The following CLSPN variants were observed in gnomAD, a reference collection of about 807,000 sequenced individuals.
The protein encoded by CLSPN is claspin homolog.
CLSPN carries 85 observed loss-of-function variants against 156.3 expected under a neutral mutation model. The observed-to-expected ratio is 0.54, with a 90% CI of 0.46 to 0.65. The LOEUF is 0.65. Among genes scored for constraint, CLSPN ranks in the 30% least tolerant of loss-of-function variants. The probability of loss-of-function intolerance (pLI) is 0.00; values close to 1 mark genes in which losing one functional copy is unlikely to be tolerated. For missense variants in CLSPN, 1,407 were observed against 1,554.9 expected (o/e 0.90, Z 1.60); for synonymous variants, 534 against 542.4 (o/e 0.98, Z 0.22).
chr1:35,748,679 G>A, intron 12 of CLSPN, 75 bp from the exon 13 acceptor site: 3 of 1,246,684 alleles, frequency 2.4e-6, no homozygotes, highest in Admixed American at 1.8e-5. Flanking sequence ...AAGAGTTGAG[G>A]ATGAAACTGT....
At chr1:35,765,055 T>C (rs1642623483) in intron 2 of CLSPN, among the ~76,000 whole-genome samples, 163 bp downstream of exon 2, 1 of 152,156 alleles carries the variant, frequency 6.6e-6, no homozygotes, top group Admixed American at 6.5e-5. Context: ...TAACATAGTT[T>C]CAAAAAGGTA....
intron 12 of CLSPN, 76 bp from the exon 13 acceptor site, chr1:35,748,680 A>G: frequency 8.0e-7 from 1 of 1,244,874 alleles, no homozygotes; most frequent in Non-Finnish European, 1.2e-6. Context: ...AGAGTTGAGG[A>G]TGAAACTGTC....
At chr1:35,720,841 T>G (rs975192056) in exon 25 of CLSPN, 2 of 1,317,906 alleles carry the variant, frequency 1.5e-6, no homozygotes, top group South Asian at 2.4e-5. Context: ...TTGTTTGTTC[T>G]GCCCAGAATA....
chr1:35,720,414 C>T (rs1179996456), exon 25 of CLSPN: 1 of 149,402 alleles, frequency 6.7e-6, no homozygotes, highest in Non-Finnish European at 1.5e-5. Context: ...TTCCCCTGGC[C>T]TTCAGCCTGG....
At chr1:35,728,929 C>T (rs1196654900), downstream of CLSPN, among the ~76,000 whole-genome samples, 1 of 32,122 alleles carries the variant, frequency 3.1e-5, no homozygotes, top group Non-Finnish European at 7.9e-5. Flanking sequence ...CAAACACACA[C>T]ACACACACAC....
chr1:35,720,851 A>G, exon 25 of CLSPN: 1 of 1,407,640 alleles, frequency 7.1e-7, no homozygotes, highest in Non-Finnish European at 1.0e-6. Context: ...TGCCCAGAAT[A>G]GCCCTTCTCC....
chr1:35,744,724 T>TG (rs1227306293), intron 16 of CLSPN, among the ~76,000 whole-genome samples: 1 of 152,216 alleles, frequency 6.6e-6, no homozygotes, highest in Non-Finnish European at 1.5e-5. Flanking sequence ...GCTTTGAACA[T>TG]GGGGGTGCAA....
chr1:35,730,733 C>T (rs1387636565), downstream of CLSPN, among the ~76,000 whole-genome samples: 2 of 152,048 alleles, frequency 1.3e-5, no homozygotes, highest in Admixed American at 6.6e-5. Context: ...TGTGGTGGTG[C>T]GTGCCTGTAA....
In CLSPN at chr1:35,735,142, T is replaced by C. The variant is rs1641421816; in HGVS notation, c.*1354A>G. On this transcript the variant is annotated 3_prime_UTR_variant, in exon 25 of 25. Coordinates refer to ENST00000318121, the MANE Select transcript of CLSPN (RefSeq NM_022111.4). ...CAGAAGGGAGATCTTTGAACAACAG[T>C]GCTTCAAATTGAGAATTCAGTCCCA... The C allele has an allele frequency of 1.0e-6, 1 of 985,288 alleles. No homozygotes were observed. Among genetic ancestry groups the C allele is most frequent in the Admixed American group, 6.1e-5 (1 of 16,266 alleles). The allele number at this position is 985,288 out of a possible 1,614,324, so 61.0% of individuals were successfully genotyped here.
At chr1:35,753,522 G>T (rs1449944697) in intron 9 of CLSPN, among the ~76,000 whole-genome samples, 1 of 147,888 alleles carries the variant, frequency 6.8e-6, no homozygotes, top group East Asian at 1.9e-4. Context: ...CTATAATGGG[G>T]TTTTTTATAA....
At chr1:35,723,161 C>A (rs1641112782) in intron 24 of CLSPN, among the ~76,000 whole-genome samples, 1 of 152,150 alleles carries the variant, frequency 6.6e-6, no homozygotes, top group African/African-American at 2.4e-5. Flanking sequence ...AGTGAGGACA[C>A]CAGAGAATAA....
At position 35,749,697 on chromosome 1, in the gene CLSPN, C is replaced by G. The variant is rs768615281; in HGVS notation, c.2143G>C (p.Val715Leu). 9 of 1,614,150 alleles carry G rather than the reference C, an allele frequency of 5.6e-6. No individual in the cohort carries two copies. Among genetic ancestry groups the G allele is most frequent in the Non-Finnish European group, 7.6e-6 (9 of 1,180,012 alleles). The change falls in exon 11 of 25, where the codon GTT becomes CTT. Residue 715 changes from valine (V) to leucine (L), a missense_variant. Transcript: ENST00000318121. Reference sequence around the variant, plus strand: ...GAATCTGATGAGAGAGACTTGGGAACAGAGAGGAAGCCAACTGCCTTGCCA... The same window carrying G: ...GAATCTGATGAGAGAGACTTGGGAAGAGAGAGGAAGCCAACTGCCTTGCCA... ...EIGKAVGFLS[V>L]PKSLSSDSTL... is the part of the protein sequence containing the mutation.
rs146574648 is a variant in CLSPN, at chr1:35,743,185, A to C, written c.3099T>G (p.Asp1033Glu). 6.2e-7 allele frequency: 1 copy of C among 1,614,096 alleles called. No individual in the cohort carries two copies. Among genetic ancestry groups the C allele is most frequent in the African/African-American group, 1.3e-5 (1 of 75,028 alleles). ...CAGATCGCTTCAGGAGTTCTTCTTC[A>C]TCATCATCTTCATGGTCTTCCAGTG... ...DLALEDHEDD[D>E]EEELLKRSEK... The change falls in exon 18 of 25, where the codon GAT (aspartate) becomes GAG (glutamate). Residue 1033 changes from aspartate (D) to glutamate (E), a missense_variant. Asp to Glu is a conservative substitution (Grantham distance 45). This residue lies in a region of CLSPN where 1,096 missense variants were observed against 1,193.0 expected (regional missense o/e 0.92). Transcript: ENST00000318121.
At chr1:35,748,820 C>CTTTT (rs201350754) in intron 12 of CLSPN, 525 of 293,186 alleles carry the variant, frequency 1.8e-3, no homozygotes, top group South Asian at 2.9e-3. Context: ...CTTGAAAGTT[C>CTTTT]TTTTTTTTTT....
chr1:35,751,221 G>A (rs1642072033), intron 10 of CLSPN, 29 bp downstream of exon 10: 26 of 1,590,058 alleles, frequency 1.6e-5, no homozygotes, highest in Middle Eastern at 2.0e-4. Context: ...ACCATGACAA[G>A]GTAACAAAAC....
Position 35,734,138 on chromosome 1 carries a change from TCA to T in CLSPN, c.*2356_*2357del, listed in dbSNP as rs1020743372. On this transcript the variant is annotated 3_prime_UTR_variant, in exon 25 of 25. Transcript: ENST00000318121. ...GTGAGGGGACAATTGCAGCAGCTTC[TCA>T]GTTTAGACCCAGAGGGTTTCCCTGG... 1.6e-5 allele frequency: 16 copies of T among 985,380 alleles called. No individual in the cohort carries two copies. In the African/African-American group the frequency reaches 2.4e-4, roughly 15 times the overall value. 61.0% of individuals were successfully genotyped at this position (985,380 alleles called of 1,614,324 possible). A position where few individuals can be genotyped will look rare whatever the true frequency, so the allele number is the denominator to read the frequency against.
intron 8 of CLSPN, among the ~76,000 whole-genome samples, chr1:35,758,174 T>TTG (rs914632580): frequency 9.8e-5 from 13 of 133,228 alleles, no homozygotes; most frequent in African/African-American, 3.0e-4. Context: ...TTTTTTTGTG[T>TTG]TTTTTTTTTT....
At chr1:35,725,222 A>T (rs1159491876) in intron 24 of CLSPN, among the ~76,000 whole-genome samples, 1 of 152,194 alleles carries the variant, frequency 6.6e-6, no homozygotes, top group East Asian at 1.9e-4. Context: ...CCTGTCCCCA[A>T]CACTGTTCCC....
chr1:35,729,470 A>G (rs1641267519), downstream of CLSPN, among the ~76,000 whole-genome samples: 1 of 152,220 alleles, frequency 6.6e-6, no homozygotes, highest in African/African-American at 2.4e-5. Context: ...ACTGAAAATG[A>G]AAAACCTTTA....
Sources: gnomAD v4.1 joint callset for allele counts (sites outside exome capture counted in the v4.1 genomes callset) on GRCh38, gnomAD v4.1.1 for gene constraint, gnomAD v4.1.1 regional missense constraint, MANE v1.5 for transcripts, NCBI Gene and HGNC (gene_info 2026-07-23, HGNC 2026-07-21) for gene names.